Variants in FOXN3 observed in about 807,000 individuals in gnomAD.
FOXN3 encodes the protein forkhead box protein N3.
FOXN3 carries 7 observed loss-of-function variants against 38.4 expected under a neutral mutation model. The observed-to-expected ratio is 0.18, with a 90% CI of 0.10 to 0.34. The LOEUF is 0.34. Among genes scored for constraint, FOXN3 ranks in the 10% least tolerant of loss-of-function variants. The pLI, the probability that FOXN3 is intolerant of heterozygous loss-of-function variation, is 1.00. For synonymous variants in FOXN3, 230 were observed against 242.2 expected (o/e 0.95, Z 0.47); for missense variants, 456 against 613.4 (o/e 0.74, Z 2.71).
At chr14:89,415,939 C>CGGAGAAAAT (rs1891700735) in intron 1 of FOXN3, among the ~76,000 whole-genome samples, 1 of 151,166 alleles carries the variant, frequency 6.6e-6, no homozygotes, top group African/African-American at 2.4e-5. Flanking sequence ...TATTTTTTAA[C>CGGAGAAAAT]GGAGAAAATG....
intron 3 of FOXN3, among the ~76,000 whole-genome samples, chr14:89,320,994 T>G (rs770204244): frequency 1.3e-5 from 2 of 152,032 alleles, no homozygotes; most frequent in Non-Finnish European, 2.9e-5. Flanking sequence ...GGGTTTGAAA[T>G]TTTAAAAAAT....
chr14:89,418,291 A>C (rs1891810625), upstream of FOXN3, among the ~76,000 whole-genome samples: 1 of 152,058 alleles, frequency 6.6e-6, no homozygotes, highest in Non-Finnish European at 1.5e-5. Context: ...CTACAGAAAA[A>C]AACAGCGAGT....
intron 4 of FOXN3, among the ~76,000 whole-genome samples, chr14:89,250,041 G>T (rs1232244368): frequency 6.6e-6 from 1 of 152,212 alleles, no homozygotes; most frequent in Non-Finnish European, 1.5e-5. Flanking sequence ...TAGACTTACT[G>T]TAAGACCCTT....
intron 2 of FOXN3, among the ~76,000 whole-genome samples, chr14:89,407,432 G>GTTCAT (rs1488107148): frequency 6.6e-6 from 1 of 152,190 alleles, no homozygotes; most frequent in African/African-American, 2.4e-5. Flanking sequence ...CCAAATAATT[G>GTTCAT]TTCATTTTGT....
In FOXN3 at chr14:89,160,513, C is replaced by T. The variant is rs1357029829; in HGVS notation, c.*1901G>A. 1 of 152,588 alleles carries T rather than the reference C, an allele frequency of 6.6e-6. No individual in the cohort carries two copies. Among genetic ancestry groups the T allele is most frequent in the Middle Eastern group, 3.2e-3 (1 of 316 alleles). The allele number at this position is 152,588 out of a possible 1,614,324, so 9.5% of individuals were successfully genotyped here. The stretch of plus-strand genomic sequence containing the variant: ...AAGGCCCATTAGCACGGTTCCCCTT[C>T]TTCTGGCTAATTTGCATAATTATTC... On this transcript the variant is annotated 3_prime_UTR_variant, in exon 6 of 6. Coordinates refer to ENST00000557258, the MANE Select transcript of FOXN3 (RefSeq NM_005197.4).
At chr14:89,425,045 T>G (rs1395976276) in intron 1 of FOXN3, among the ~76,000 whole-genome samples, 1 of 136,682 alleles carries the variant, frequency 7.3e-6, no homozygotes, top group Non-Finnish European at 1.6e-5. Flanking sequence ...TTGTTGTGTT[T>G]TGTTTTGTTT....
At chr14:89,608,660 G>A (rs1051092497) in intron 1 of FOXN3, among the ~76,000 whole-genome samples, 1 of 152,160 alleles carries the variant, frequency 6.6e-6, no homozygotes, top group Non-Finnish European at 1.5e-5. Context: ...CGAGCCTAGG[G>A]ACCCTGAGTT....
chr14:89,482,300 C>T (rs1290902465), intron 1 of FOXN3, among the ~76,000 whole-genome samples: 1 of 152,198 alleles, frequency 6.6e-6, no homozygotes, highest in Non-Finnish European at 1.5e-5. Context: ...GACCAATGGC[C>T]TGTCACCTCT....
At chr14:89,493,493 C>A (rs1893621883) in intron 1 of FOXN3, among the ~76,000 whole-genome samples, 1 of 152,268 alleles carries the variant, frequency 6.6e-6, no homozygotes, top group South Asian at 2.1e-4. Flanking sequence ...GTAACCAACA[C>A]TGAAGTCATA....
chr14:89,234,092 C>T (rs1473269112), intron 4 of FOXN3, among the ~76,000 whole-genome samples: 3 of 152,128 alleles, frequency 2.0e-5, no homozygotes, highest in Non-Finnish European at 4.4e-5. Context: ...CACTTAATAG[C>T]CATTGGTTGA....
intron 1 of FOXN3, among the ~76,000 whole-genome samples, chr14:89,436,495 G>A (rs1451661931): frequency 6.6e-6 from 1 of 152,014 alleles, no homozygotes; most frequent in Non-Finnish European, 1.5e-5. Context: ...CTTTCCCAGA[G>A]TCCCCCAAGT....
At position 89,499,253 on chromosome 14, in the gene FOXN3, G is replaced by C. The variant is rs74981586; in HGVS notation, c.-14-86763C>G. On this transcript the variant is annotated intron_variant, in intron 1 of 6. Coordinates refer to the FOXN3 transcript ENST00000345097. ...GTTTTGATTCGCATCTAATATGCCA[G>C]AGGCTGAGAAACCAAATAATAGAGT... Among the ~76,000 whole-genome samples, 690 of 152,170 alleles carry C rather than the reference G, an allele frequency of 4.5e-3. 2 individuals are homozygous for C. The highest frequency in any genetic ancestry group is 8.1e-3 in the Non-Finnish European group (550 of 68,018).
chr14:89,307,713 A>G (rs977823005), intron 3 of FOXN3, among the ~76,000 whole-genome samples: 1 of 151,778 alleles, frequency 6.6e-6, no homozygotes, highest in African/African-American at 2.4e-5. Context: ...TACAACCCAT[A>G]GTTTTTGCAT....
Position 89,245,564 on chromosome 14 carries a change from T to C in FOXN3, c.745+35386A>G, listed in dbSNP as rs375759667. On this transcript the variant is annotated intron_variant, in intron 4 of 5. Coordinates refer to ENST00000557258, the MANE Select transcript of FOXN3 (RefSeq NM_005197.4). ...TTGTAGGATACTTCTTTCCCCCTCA[T>C]TTATATCGTTTCTCAGCCTCAGGGT... Among the ~76,000 whole-genome samples, 5 of 152,262 alleles carry C rather than the reference T, an allele frequency of 3.3e-5. No individual in the cohort carries two copies. In the East Asian group the frequency reaches 7.7e-4, roughly 24 times the overall value.
chr14:89,565,935 T>C (rs376365661), intron 1 of FOXN3, among the ~76,000 whole-genome samples: 36 of 152,320 alleles, frequency 2.4e-4, no homozygotes, highest in African/African-American at 8.4e-4. Context: ...TCTAACCTGC[T>C]AGTGTCAAGG....
Position 89,367,233 on chromosome 14 carries a change from G to A in FOXN3, c.544-16425C>T, listed in dbSNP as rs867918986. On this transcript the variant is annotated intron_variant, in intron 2 of 5. Coordinates refer to ENST00000557258, the MANE Select transcript of FOXN3 (RefSeq NM_005197.4). ...AGCCTGGCTTTTAGCCACAGCATCC[G>A]GCCAACCAACACATCCACTTTTAAG... Among the ~76,000 whole-genome samples, 5 of 152,042 alleles carry A rather than the reference G, an allele frequency of 3.3e-5. No individual in the cohort carries two copies. The South Asian group carries it at 6.2e-4, about 19-fold the overall frequency.
At chr14:89,427,900 C>T (rs114014012) in intron 1 of FOXN3, among the ~76,000 whole-genome samples, 2 of 151,990 alleles carry the variant, frequency 1.3e-5, no homozygotes, top group Non-Finnish European at 2.9e-5. Context: ...ATTAACTCTA[C>T]AGATCAGTCA....
At chr14:89,585,915 G>A (rs1895832256) in intron 1 of FOXN3, among the ~76,000 whole-genome samples, 1 of 152,110 alleles carries the variant, frequency 6.6e-6, no homozygotes, top group Non-Finnish European at 1.5e-5. Context: ...AGATTGCAGG[G>A]TTGGGGCAGG....
intron 2 of FOXN3, among the ~76,000 whole-genome samples, chr14:89,374,084 G>A (rs995851772): frequency 4.0e-5 from 6 of 151,648 alleles, no homozygotes; most frequent in Admixed American, 2.0e-4. Flanking sequence ...TGGGCAACAC[G>A]AGGAAACCTC....
Sources: gnomAD v4.1 joint callset for allele counts (sites outside exome capture counted in the v4.1 genomes callset) on GRCh38, gnomAD v4.1.1 for gene constraint, MANE v1.5 for transcripts, NCBI Gene and HGNC (gene_info 2026-07-23, HGNC 2026-07-21) for gene names.